The following TTC16 variants were observed in gnomAD, a reference collection of about 807,000 sequenced individuals.
The protein encoded by TTC16 is tetratricopeptide repeat protein 16.
In TTC16, 66 loss-of-function variants were observed where a neutral mutation model predicts 80.4. That is an observed-to-expected ratio of 0.82 (90% CI 0.67 to 1.01). TTC16 has a LOEUF of 1.01. Among genes scored for constraint, TTC16 ranks in the 50% least tolerant of loss-of-function variants. The pLI is 0.00. For synonymous variants in TTC16, 438 were observed against 451.3 expected (o/e 0.97, Z 0.37); for missense variants, 1,070 against 1,103.2 (o/e 0.97, Z 0.43).
chr9:127,717,894 C>A (rs976944974), intron 4 of TTC16, 122 bp downstream of exon 4: 5 of 1,282,798 alleles, frequency 3.9e-6, no homozygotes, highest in Admixed American at 2.6e-5. Flanking sequence ...TGGGTCCCCC[C>A]CGCTGCCCCT....
In TTC16 at chr9:127,723,091, C is replaced by G. The variant is rs759983389; in HGVS notation, c.658-28C>G. The G allele has an allele frequency of 1.9e-6, 3 of 1,604,034 alleles. No individual in the cohort carries two copies. The South Asian group carries it at 3.3e-5, about 18-fold the overall frequency. On this transcript the variant is annotated intron_variant, in intron 6 of 13. Coordinates refer to ENST00000373289, the MANE Select transcript of TTC16 (RefSeq NM_144965.3). ...GTCCCGTGGCTCAGTTGGTCTGTGC[C>G]CCTGATGCCACCCATGGCCTCCTGC...
intron 9 of TTC16, 78 bp from the exon 10 acceptor site, chr9:127,726,161 T>A: frequency 7.3e-7 from 1 of 1,364,756 alleles, no homozygotes; most frequent in Non-Finnish European, 9.8e-7. Flanking sequence ...CTCTAACTCC[T>A]CAGTGGGGCC....
intron 6 of TTC16, among the ~76,000 whole-genome samples, chr9:127,721,815 G>T (rs1843536351): frequency 6.6e-6 from 1 of 152,116 alleles, no homozygotes; most frequent in African/African-American, 2.4e-5. Context: ...CAATTCTCAT[G>T]CCTCAGCCTC....
At position 127,718,677 on chromosome 9, in the gene TTC16, C is replaced by T. The variant is rs545665058; in HGVS notation, c.426+905C>T. 6.6e-6 allele frequency among the ~76,000 whole-genome samples: 1 copy of T among 152,078 alleles called. No homozygotes were observed. The highest frequency in any genetic ancestry group is 2.0e-4 in the East Asian group (1 of 5,116). On this transcript the variant is annotated intron_variant, in intron 4 of 13. Transcript: ENST00000373289. This position sits in a 1 kb window ranked among gnomAD's most constrained non-coding sequence, Gnocchi z 4.6. ...TGGCGCAATCTCAGCTCACAACCTC[C>T]ACCTCCCGGGTTCAAATGATTCTTG...
Position 127,730,621 on chromosome 9 carries a change from G to A in TTC16, c.1853-15G>A. 6.2e-7 allele frequency: 1 copy of A among 1,608,404 alleles called. No individual in the cohort carries two copies. Among genetic ancestry groups the A allele is most frequent in the Non-Finnish European group, 8.5e-7 (1 of 1,178,314 alleles). ...GCGGCAGGCCTGATGGGTGCTTTTGGCACCCCCTTCCTAGTCAGGACCACA... is the reference window on the plus strand; with the variant it reads ...GCGGCAGGCCTGATGGGTGCTTTTGACACCCCCTTCCTAGTCAGGACCACA... On this transcript the variant is annotated splice_polypyrimidine_tract_variant and intron_variant, in intron 13 of 13. Transcript: ENST00000373289.
At chr9:127,728,997 G>A (rs1844184424) in intron 12 of TTC16, 2 of 152,402 alleles carry the variant, frequency 1.3e-5, no homozygotes, top group African/African-American at 2.4e-5. Context: ...GGTGTACCTC[G>A]CTGTCTACAG....
At chr9:127,721,547 G>A (rs964939792) in intron 6 of TTC16, among the ~76,000 whole-genome samples, 9 of 152,016 alleles carry the variant, frequency 5.9e-5, no homozygotes, top group Non-Finnish European at 1.2e-4. Flanking sequence ...CATCCTGGGT[G>A]CGGCCGAAAT....
chr9:127,725,164 C>T (rs1377245574), intron 9 of TTC16, among the ~76,000 whole-genome samples: 2 of 152,172 alleles, frequency 1.3e-5, no homozygotes, highest in Non-Finnish European at 2.9e-5. Flanking sequence ...ATCCCAGCTA[C>T]TCAGGAGGCT....
Position 127,723,285 on chromosome 9 carries a change from A to T in TTC16, c.824A>T (p.Asn275Ile), listed in dbSNP as rs1243465222. ...GKLQHALQRINRAIENNPLDP... is the reference protein window; with the variant it reads ...GKLQHALQRIIRAIENNPLDP... Reference sequence around the variant, plus strand: ...CTGCAGCACGCACTGCAGCGGATCAACCGTGCCATCGAGAACAACCCTCTG... The same window carrying T: ...CTGCAGCACGCACTGCAGCGGATCATCCGTGCCATCGAGAACAACCCTCTG... The change falls in exon 7 of 14, where the codon AAC becomes ATC. Residue 275 changes from asparagine (N) to isoleucine (I), a missense_variant. By Grantham distance (149) the Asn-to-Ile change is moderately radical. Transcript: ENST00000373289. 4 of 1,612,928 alleles carry T rather than the reference A, an allele frequency of 2.5e-6. No individual in the cohort carries two copies. Among genetic ancestry groups the T allele is most frequent in the Non-Finnish European group, 2.5e-6 (3 of 1,180,016 alleles).
At position 127,716,892 on chromosome 9, in the gene TTC16, T is replaced by C. The variant is rs1260902151; in HGVS notation, c.67T>C (p.Trp23Arg). Reference protein sequence around the residue: ...QGPSRDIPKPWVIPAPKGILQ... With the variant: ...QGPSRDIPKPRVIPAPKGILQ... ...CCCCTCACGGGACATCCCAAAGCCA[T>C]GGGTGATTCCAGCCCCCAAAGGGAT... The change falls in exon 2 of 14, where the codon TGG becomes CGG. Residue 23 changes from tryptophan (W) to arginine (R), a missense_variant. Coordinates refer to ENST00000373289, the MANE Select transcript of TTC16 (RefSeq NM_144965.3). The C allele has an allele frequency of 6.2e-7, 1 of 1,613,966 alleles. No homozygotes were observed. Among genetic ancestry groups the C allele is most frequent in the Non-Finnish European group, 8.5e-7 (1 of 1,179,958 alleles).
chr9:127,726,323 G>A lies in TTC16; in HGVS notation c.1344G>A (p.Lys448=), dbSNP rs1007218462. 20 of 1,612,266 alleles carry A rather than the reference G, an allele frequency of 1.2e-5. No homozygotes were observed. Among genetic ancestry groups the A allele is most frequent in the Middle Eastern group, 3.3e-4 (2 of 6,078 alleles). The change falls in exon 10 of 14, where the codon AAG becomes AAA. Residue 448 remains lysine (K), a synonymous_variant. Coordinates refer to ENST00000373289, the MANE Select transcript of TTC16 (RefSeq NM_144965.3). The part of the protein sequence containing the change: ...QKAQYYLYRA[K]SRQLLQNIFG... ...CCCAGTACTACCTGTACCGGGCCAA[G>A]AGCCGGCAGCTGCTGCAGAACATTT...
intron 4 of TTC16, among the ~76,000 whole-genome samples, chr9:127,719,364 C>G (rs2131623198): frequency 1.3e-5 from 2 of 152,328 alleles, no homozygotes; most frequent in African/African-American, 4.8e-5. Context: ...TTCCTTTATC[C>G]ATAAGAGAAG....
In TTC16 at chr9:127,731,445, C is replaced by T. The variant is rs505268; in HGVS notation, c.*40C>T. The T allele has an allele frequency of 0.58, 902,973 of 1,569,582 alleles. 263,092 individuals carry two copies. Among genetic ancestry groups the T allele is most frequent in the Middle Eastern group, 0.66 (3,823 of 5,818 alleles). On this transcript the variant is annotated 3_prime_UTR_variant, in exon 14 of 14. Transcript: ENST00000373289. ...CCCTCCCTTCTTGCTGGGGAGGGGA[C>T]GAGTTCTACCCACCTCCCCACACTG...
At position 127,730,766 on chromosome 9, in the gene TTC16, CAG is replaced by C. The variant is rs1218839692; in HGVS notation, c.1984_1985del (p.Arg662GlyfsTer21). The C allele has an allele frequency of 1.2e-6, 2 of 1,613,630 alleles. No individual in the cohort carries two copies. Among genetic ancestry groups the C allele is most frequent in the Non-Finnish European group, 1.7e-6 (2 of 1,180,050 alleles). ...KTQSSDSGNN[R>X]EALSHGPRKI... ...CGCAATCCTCGGACTCTGGGAACAA[CAG>C]GGAGGCACTAAGCCATGGTCCCAGA... On this transcript the variant is annotated frameshift_variant, in exon 14 of 14. Coordinates refer to ENST00000373289, the MANE Select transcript of TTC16 (RefSeq NM_144965.3). LOFTEE classifies it low-confidence loss of function (END_TRUNC).
At position 127,730,960 on chromosome 9, in the gene TTC16, C is replaced by T. The variant is rs892482159; in HGVS notation, c.2177C>T (p.Thr726Ile). Residue 726 changes from threonine to isoleucine, a missense_variant, in exon 14 of 14, where the codon ACC becomes ATC. Transcript: ENST00000373289. Reference sequence around the variant, plus strand: ...CGGAACTCCAGCAAGACCAGGGCCACCCAGGGCCAGGGGCAGAGCTCCAGC... The same window carrying T: ...CGGAACTCCAGCAAGACCAGGGCCATCCAGGGCCAGGGGCAGAGCTCCAGC... The part of the protein sequence containing the change: ...QRRNSSKTRA[T>I]QGQGQSSSKT... 1.9e-6 allele frequency: 3 copies of T among 1,613,412 alleles called. No homozygotes were observed. Among genetic ancestry groups the T allele is most frequent in the Middle Eastern group, 1.6e-4 (1 of 6,084 alleles).
chr9:127,720,560 C>G (rs1843367178), intron 6 of TTC16, among the ~76,000 whole-genome samples, 165 bp downstream of exon 6: 1 of 152,126 alleles, frequency 6.6e-6, no homozygotes, highest in African/African-American at 2.4e-5. Flanking sequence ...GCCTGGACCA[C>G]TCAACTACCA....
Position 127,717,327 on chromosome 9 carries a change from C to G in TTC16, c.192-7C>G, listed in dbSNP as rs764605483. On this transcript the variant is annotated splice_polypyrimidine_tract_variant and splice_region_variant and intron_variant, in intron 2 of 13. Coordinates refer to ENST00000373289, the MANE Select transcript of TTC16 (RefSeq NM_144965.3). ...CACCCCTCTGCCTGTCCCCACTTTC[C>G]CCACAGCTACTCCAGAGGCCAGCAG... 1.9e-6 allele frequency: 3 copies of G among 1,608,728 alleles called. No homozygotes were observed. The highest frequency in any genetic ancestry group is 2.5e-6 in the Non-Finnish European group (3 of 1,179,944).
chr9:127,726,907 C>T (rs1377069769), intron 10 of TTC16, 63 bp from the exon 11 acceptor site: 2 of 1,606,510 alleles, frequency 1.2e-6, no homozygotes. Context: ...GTCAGGGCAG[C>T]ATCGTGCTGT....
At position 127,730,674 on chromosome 9, in the gene TTC16, A is replaced by G; in HGVS notation, c.1891A>G (p.Ile631Val). The change falls in exon 14 of 14, where the codon ATC becomes GTC. Residue 631 changes from isoleucine to valine, a missense_variant. Physicochemically the swap from Ile to Val is conservative, Grantham distance 29. Coordinates refer to ENST00000373289, the MANE Select transcript of TTC16 (RefSeq NM_144965.3). ...TGTSETEMSAICQEYRSTSAT... is the reference protein window; with the variant it reads ...TGTSETEMSAVCQEYRSTSAT... Reference sequence around the variant, plus strand: ...CACCTCAGAGACTGAGATGTCGGCTATCTGCCAGGAATACAGGAGCACCTC... The same window carrying G: ...CACCTCAGAGACTGAGATGTCGGCTGTCTGCCAGGAATACAGGAGCACCTC... 3 of 1,613,122 alleles carry G rather than the reference A, an allele frequency of 1.9e-6. No homozygotes were observed. The highest frequency in any genetic ancestry group is 2.5e-6 in the Non-Finnish European group (3 of 1,180,000).
Sources: allele counts gnomAD v4.1 joint callset (sites outside exome capture counted in the v4.1 genomes callset), GRCh38; gene constraint gnomAD v4.1.1; non-coding constraint Gnocchi (gnomAD v3.1); transcripts MANE v1.5; gene names NCBI Gene and HGNC (gene_info 2026-07-23, HGNC 2026-07-21).